The following RHEX variants were observed in gnomAD, a reference collection of about 807,000 sequenced individuals.
RHEX encodes the protein regulator of hemoglobinization and erythroid cell expansion.
In RHEX, 18 loss-of-function variants were observed where a neutral mutation model predicts 20.1. That is an observed-to-expected ratio of 0.90 (90% CI 0.62 to 1.33). The LOEUF is 1.33. Among genes scored for constraint, RHEX ranks in the 40% most tolerant of loss-of-function variants. RHEX has a pLI of 0.00. For synonymous variants in RHEX, 87 were observed against 77.1 expected (o/e 1.13, Z -0.67); for missense variants, 192 against 214.3 (o/e 0.90, Z 0.65).
chr1:206,075,848 C>T (rs527397957), intron 1 of RHEX, among the ~76,000 whole-genome samples: 1 of 152,044 alleles, frequency 6.6e-6, no homozygotes, highest in African/African-American at 2.4e-5. Flanking sequence ...GTGATCCACC[C>T]GCCTCAGCCT....
intron 1 of RHEX, among the ~76,000 whole-genome samples, chr1:206,057,044 T>C (rs1228739629): frequency 6.6e-6 from 1 of 152,188 alleles, no homozygotes; most frequent in South Asian, 2.1e-4. Context: ...TAGGCATTGA[T>C]GGAAAAGGAC....
chr1:206,074,103 T>G (rs534925773), intron 1 of RHEX, among the ~76,000 whole-genome samples: 4 of 152,344 alleles, frequency 2.6e-5, no homozygotes, highest in Non-Finnish European at 4.4e-5. Flanking sequence ...GACTTTCTGC[T>G]CTTTCCTCTG....
intron 1 of RHEX, among the ~76,000 whole-genome samples, chr1:206,084,327 G>A (rs1326967926): frequency 3.3e-5 from 5 of 152,200 alleles, no homozygotes; most frequent in East Asian, 3.9e-4. Context: ...AGAAACAGTC[G>A]ACCCTTATAT....
chr1:206,097,770 A>G lies in RHEX; in HGVS notation c.-59A>G. 4 of 1,614,054 alleles carry G rather than the reference A, an allele frequency of 2.5e-6. No homozygotes were observed. The highest frequency in any genetic ancestry group is 3.4e-6 in the Non-Finnish European group (4 of 1,179,910). On this transcript the variant is annotated 5_prime_UTR_variant, in exon 2 of 6. Transcript: ENST00000331555. The stretch of plus-strand genomic sequence containing the variant: ...CTGCCGGTGGCACTACTGAGAGACG[A>G]GGTGCCAGGGTGGTTCCTGAAAGTG...
At chr1:206,092,341 A>C (rs1408528694) in intron 1 of RHEX, among the ~76,000 whole-genome samples, 1 of 152,222 alleles carries the variant, frequency 6.6e-6, no homozygotes, top group Non-Finnish European at 1.5e-5. Flanking sequence ...AGAAGTAGTT[A>C]TCATTTATAT....
At chr1:206,054,363 TA>T (rs1290999183) in intron 1 of RHEX, among the ~76,000 whole-genome samples, 2 of 152,218 alleles carry the variant, frequency 1.3e-5, no homozygotes, top group Admixed American at 6.5e-5. Context: ...TGAGTACTAT[TA>T]AAAAAACAGT....
chr1:206,091,931 A>G (rs1232722533), intron 1 of RHEX, among the ~76,000 whole-genome samples: 1 of 152,094 alleles, frequency 6.6e-6, no homozygotes, highest in Non-Finnish European at 1.5e-5. Context: ...AATAATAATT[A>G]TGTGTTCCTT....
At chr1:206,070,460 C>T (rs1553284532) in intron 1 of RHEX, among the ~76,000 whole-genome samples, 1 of 151,870 alleles carries the variant, frequency 6.6e-6, no homozygotes, top group African/African-American at 2.4e-5. Context: ...AGGCTCTGAA[C>T]ATCCCCAAAG....
intron 1 of RHEX, among the ~76,000 whole-genome samples, chr1:206,057,599 G>A (rs1304723346): frequency 1.3e-5 from 2 of 152,260 alleles, no homozygotes; most frequent in African/African-American, 2.4e-5. Flanking sequence ...TACTGGGTAT[G>A]TGGACACAGA....
Position 206,102,079 on chromosome 1 carries a change from A to T in RHEX, c.*127A>T. The stretch of plus-strand genomic sequence containing the variant: ...AGTCTATGGAGACAGGCCAAAAAGA[A>T]TGTGGAGAAGAAAACTGATAAATAC... On this transcript the variant is annotated 3_prime_UTR_variant, in exon 6 of 6. Coordinates refer to ENST00000331555, the MANE Select transcript of RHEX (RefSeq NM_001007544.4). 1 of 777,714 alleles carries T rather than the reference A, an allele frequency of 1.3e-6. No individual in the cohort carries two copies. The allele number at this position is 777,714 out of a possible 1,614,324, so 48.2% of individuals were successfully genotyped here.
chr1:206,096,124 C>T (rs1553287630), intron 1 of RHEX, among the ~76,000 whole-genome samples: 1 of 152,166 alleles, frequency 6.6e-6, no homozygotes, highest in Non-Finnish European at 1.5e-5. Context: ...GCCACTGTGT[C>T]CGGCTCAATT....
At chr1:206,086,335 G>C (rs1344208699) in intron 1 of RHEX, among the ~76,000 whole-genome samples, 3 of 152,018 alleles carry the variant, frequency 2.0e-5, no homozygotes, top group African/African-American at 4.8e-5. Context: ...GCCCTCTACT[G>C]AGCATTTTCC....
chr1:206,061,306 C>A (rs547568008), intron 1 of RHEX: 1 of 152,282 alleles, frequency 6.6e-6, no homozygotes, highest in African/African-American at 2.4e-5. Flanking sequence ...TGGTTATTAA[C>A]CCAACTCAGA....
rs1465652427 is a variant in RHEX at position 206,090,549 on chromosome 1, T to C, written c.-96-7184T>C. 2.0e-5 allele frequency among the ~76,000 whole-genome samples: 3 copies of C among 152,238 alleles called. No homozygotes were observed. In the East Asian group the frequency reaches 5.8e-4, roughly 29 times the overall value. On this transcript the variant is annotated intron_variant, in intron 1 of 5. Transcript: ENST00000331555. ...TTGCAATTTCCACTCTTTTTGATTG[T>C]TCTTGTGTTTTCCCAGATACATTTT...
At position 206,077,485 on chromosome 1, in the gene RHEX, G is replaced by A. The variant is rs112459083; in HGVS notation, c.-96-20248G>A. On this transcript the variant is annotated intron_variant, in intron 1 of 5. Transcript: ENST00000331555. ...CAGAGTAAGTGCCTATAAACAACAT[G>A]GTGAGGCTGGGTGTGGTGGCTCACA... 4.3e-3 allele frequency among the ~76,000 whole-genome samples: 649 copies of A among 152,252 alleles called. 6 individuals carry two copies. Among genetic ancestry groups the A allele is most frequent in the African/African-American group, 0.014 (602 of 41,562 alleles).
chr1:206,055,029 G>A (rs975434213), intron 1 of RHEX, among the ~76,000 whole-genome samples: 8 of 152,278 alleles, frequency 5.3e-5, no homozygotes, highest in Admixed American at 3.9e-4. Flanking sequence ...TGTTATGCTT[G>A]TGCACATGGC....
chr1:206,094,169 G>GGT (rs66885504), intron 1 of RHEX, among the ~76,000 whole-genome samples: 24,864 of 148,556 alleles, frequency 0.17, 2,039 homozygotes, highest in Non-Finnish European at 0.19. Flanking sequence ...CTGGTTATTT[G>GGT]GTGTGTGTGT....
chr1:206,074,178 G>T (rs1571861237), intron 1 of RHEX, among the ~76,000 whole-genome samples: 1 of 152,168 alleles, frequency 6.6e-6, no homozygotes, highest in East Asian at 1.9e-4. Flanking sequence ...GACTGTGATA[G>T]GACCCTCTGC....
intron 1 of RHEX, chr1:206,061,595 C>T (rs1323720118): frequency 1.3e-5 from 2 of 152,248 alleles, no homozygotes; most frequent in African/African-American, 4.8e-5. Flanking sequence ...AGCCCAATGC[C>T]TTGTTTTGTC....
Sources: allele counts gnomAD v4.1 joint callset (sites outside exome capture counted in the v4.1 genomes callset), GRCh38; gene constraint gnomAD v4.1.1; transcripts MANE v1.5; gene names NCBI Gene and HGNC (gene_info 2026-07-23, HGNC 2026-07-21).